CLGN: variants seen among roughly 807,000 people sequenced by gnomAD.
CLGN encodes calmegin, also known as testis tissue sperm-binding protein Li 79P.
A neutral mutation model predicts 79.1 loss-of-function variants in CLGN; 62 were observed. The ratio of observed to expected loss-of-function variants is 0.78; its 90% confidence interval spans 0.64 to 0.97. CLGN has a LOEUF of 0.97. CLGN is among the 50% of genes least tolerant of loss of function. The pLI, the probability that CLGN is intolerant of heterozygous loss-of-function variation, is 0.00. For synonymous variants in CLGN, 225 were observed against 224.7 expected (o/e 1.00, Z -0.01); for missense variants, 647 against 715.5 (o/e 0.90, Z 1.09).
At chr4:140,421,333 T>G (rs1369305894) in intron 1 of CLGN, among the ~76,000 whole-genome samples, 1 of 152,154 alleles carries the variant, frequency 6.6e-6, no homozygotes, top group Non-Finnish European at 1.5e-5. Flanking sequence ...GTTGAATTGC[T>G]TGGTCATATG....
intron 1 of CLGN, among the ~76,000 whole-genome samples, chr4:140,420,185 G>A (rs930484040): frequency 1.3e-5 from 2 of 151,958 alleles, no homozygotes; most frequent in African/African-American, 2.4e-5. Flanking sequence ...TGCCAAGAAA[G>A]AGTTAAGAGG....
At chr4:140,410,836 G>A (rs533485737) in intron 2 of CLGN, among the ~76,000 whole-genome samples, 8 of 151,834 alleles carry the variant, frequency 5.3e-5, no homozygotes, top group East Asian at 1.9e-4. Context: ...AATACTATAC[G>A]TACAAACAGT....
chr4:140,408,976 A>AT (rs1485107498), intron 4 of CLGN, among the ~76,000 whole-genome samples: 1 of 151,008 alleles, frequency 6.6e-6, no homozygotes, highest in Non-Finnish European at 1.5e-5. Flanking sequence ...TACACAGGGG[A>AT]TTTGCTGGGA....
At chr4:140,391,543 C>T (rs1728773699) in intron 13 of CLGN, among the ~76,000 whole-genome samples, 1 of 151,704 alleles carries the variant, frequency 6.6e-6, no homozygotes, top group Non-Finnish European at 1.5e-5. Flanking sequence ...AATAGATAGA[C>T]ACATATGTGT....
intron 4 of CLGN, 112 bp from the exon 5 acceptor site, chr4:140,406,195 A>G: frequency 4.8e-6 from 5 of 1,033,926 alleles, no homozygotes; most frequent in Non-Finnish European, 7.1e-6. Context: ...CTTGGGAAAA[A>G]TAAAAATTTT....
Position 140,406,022 on chromosome 4 carries a change from T to C in CLGN, c.339A>G (p.Leu113=), listed in dbSNP as rs769574408. 6.2e-7 allele frequency: 1 copy of C among 1,613,550 alleles called. No individual in the cohort carries two copies. The highest frequency in any genetic ancestry group is 1.1e-5 in the South Asian group (1 of 91,002). ...TTGCATGATGCTTTGCTCTAGATTT[T>C]AATACCAGTCCTCTGTCACCAGGTA... is the stretch of plus-strand genomic sequence containing the variant. ...NQVPGDRGLV[L]KSRAKHHAIS... is the part of the protein sequence containing the mutation. The change falls in exon 5 of 15, where the codon TTA becomes TTG. Residue 113 remains leucine (L), a synonymous_variant. Transcript: ENST00000325617.
intron 2 of CLGN, among the ~76,000 whole-genome samples, chr4:140,411,460 T>A (rs1212566514): frequency 6.6e-6 from 1 of 152,026 alleles, no homozygotes; most frequent in Middle Eastern, 3.2e-3. Context: ...GATGAATAAA[T>A]AAAAATTTGC....
intron 2 of CLGN, among the ~76,000 whole-genome samples, chr4:140,411,312 A>G (rs1359230145): frequency 2.6e-5 from 4 of 152,116 alleles, no homozygotes; most frequent in African/African-American, 9.6e-5. Context: ...CAGTTAGATA[A>G]TTGTAGAACT....
intron 1 of CLGN, among the ~76,000 whole-genome samples, chr4:140,415,281 A>C (rs1169108632): frequency 6.6e-6 from 1 of 152,142 alleles, no homozygotes; most frequent in Non-Finnish European, 1.5e-5. Flanking sequence ...ACTAGGAAGA[A>C]ACTGCATCAA....
chr4:140,418,815 A>G (rs1729399864), intron 1 of CLGN, among the ~76,000 whole-genome samples: 1 of 151,790 alleles, frequency 6.6e-6, no homozygotes, highest in Non-Finnish European at 1.5e-5. Flanking sequence ...GGGATCTAGA[A>G]CTGGAAATAC....
chr4:140,419,234 G>A (rs1042935895), intron 1 of CLGN, among the ~76,000 whole-genome samples: 1 of 152,070 alleles, frequency 6.6e-6, no homozygotes, highest in African/African-American at 2.4e-5. Context: ...GGATAGCATT[G>A]GGAGTTATAC....
Position 140,405,988 on chromosome 4 carries a change from C to T in CLGN, c.373G>A (p.Val125Ile), listed in dbSNP as rs200441670. ...SRAKHHAISA[V>I]LAKPFIFADK... is the part of the protein sequence containing the mutation. Reference sequence around the variant, plus strand: ...GCAAAAATGAATGGTTTTGCTAATACAGCAGATATTGCATGATGCTTTGCT... The same window carrying T: ...GCAAAAATGAATGGTTTTGCTAATATAGCAGATATTGCATGATGCTTTGCT... Residue 125 changes from valine to isoleucine, a missense_variant, in exon 5 of 15, where the codon GTA (valine) becomes ATA (isoleucine). Coordinates refer to ENST00000325617, the MANE Select transcript of CLGN (RefSeq NM_004362.3). 4.3e-5 allele frequency: 70 copies of T among 1,613,292 alleles called. No homozygotes were observed. The highest frequency in any genetic ancestry group is 5.4e-5 in the Non-Finnish European group (64 of 1,179,674).
chr4:140,402,415 A>G (rs1443661147), intron 5 of CLGN, among the ~76,000 whole-genome samples: 2 of 152,048 alleles, frequency 1.3e-5, no homozygotes, highest in Non-Finnish European at 2.9e-5. Context: ...TAAGCACTAT[A>G]CTTACACTTT....
rs749345438 is a variant in CLGN, at chr4:140,413,123, A to G, written c.-9-36T>C. The G allele has an allele frequency of 4.6e-6, 7 of 1,517,378 alleles. No individual in the cohort carries two copies. The East Asian group carries it at 1.4e-4, about 29-fold the overall frequency. The allele number at this position is 1,517,378 out of a possible 1,614,324, so 94.0% of individuals were successfully genotyped here. On this transcript the variant is annotated intron_variant, in intron 1 of 14. Transcript: ENST00000325617. ...AAAAGTAATTAGTGAAAATAAAACA[A>G]AATTGTGAAAATAAGTGTTAAGTAT...
intron 5 of CLGN, among the ~76,000 whole-genome samples, chr4:140,405,179 A>AT (rs1040656727): frequency 0.039 from 4,335 of 110,200 alleles, 108 homozygotes; most frequent in African/African-American, 0.082. Flanking sequence ...TTTTATTTTT[A>AT]TTTTTTTTTT....
intron 1 of CLGN, among the ~76,000 whole-genome samples, chr4:140,414,849 A>T (rs1260482893): frequency 6.6e-6 from 1 of 150,720 alleles, no homozygotes; most frequent in Non-Finnish European, 1.5e-5. Flanking sequence ...AATACAGAGA[A>T]CGCCACAAAG....
intron 5 of CLGN, among the ~76,000 whole-genome samples, chr4:140,402,942 T>TA (rs1279898031): frequency 1.3e-5 from 2 of 152,126 alleles, no homozygotes; most frequent in Non-Finnish European, 2.9e-5. Flanking sequence ...ATCATTTTAA[T>TA]AAAGGACTAT....
In CLGN at chr4:140,412,990, T is replaced by C; in HGVS notation, c.89A>G (p.Asp30Gly). 2 of 1,613,578 alleles carry C rather than the reference T, an allele frequency of 1.2e-6. No homozygotes were observed. The highest frequency in any genetic ancestry group is 1.7e-6 in the Non-Finnish European group (2 of 1,179,706). ...AATTTCTTCTGAATTTTCTTCAAAG[T>C]CTTCCGTCTCAACATCATCATCCAT... ...EFMDDDVETE[D>G]FEENSEEIDV... Residue 30 changes from aspartate (D) to glycine (G), a missense_variant, in exon 2 of 15, where the codon GAC becomes GGC. Physicochemically the swap from Asp to Gly is moderately conservative, Grantham distance 94. Transcript: ENST00000325617.
chr4:140,398,617 A>T (rs542703193), intron 8 of CLGN, among the ~76,000 whole-genome samples: 1 of 152,154 alleles, frequency 6.6e-6, no homozygotes, highest in African/African-American at 2.4e-5. Flanking sequence ...AGCATTGAAA[A>T]CATAAAAAAT....
Sources: gnomAD v4.1 joint callset for allele counts (sites outside exome capture counted in the v4.1 genomes callset) on GRCh38, gnomAD v4.1.1 for gene constraint, MANE v1.5 for transcripts, NCBI Gene and HGNC (gene_info 2026-07-23, HGNC 2026-07-21) for gene names.